The following RIC1 variants were observed in gnomAD, a reference collection of about 807,000 sequenced individuals.
RIC1 encodes the protein RIC1 partner of RAB6A GEF complex, also known as guanine nucleotide exchange factor subunit RIC1.
RIC1 carries 88 observed loss-of-function variants against 169.0 expected under a neutral mutation model. That is an observed-to-expected ratio of 0.52 (90% CI 0.44 to 0.62). The LOEUF is 0.62. RIC1 is among the 20% of genes least tolerant of loss of function. The probability of loss-of-function intolerance (pLI) is 0.00; values close to 1 mark genes in which losing one functional copy is unlikely to be tolerated. For missense variants in RIC1, 1,877 were observed against 1,725.5 expected (o/e 1.09, Z -1.56); for synonymous variants, 790 against 601.5 (o/e 1.31, Z -4.59).
intron 2 of RIC1, among the ~76,000 whole-genome samples, chr9:5,689,282 A>C (rs559624934): frequency 7.2e-4 from 109 of 151,648 alleles, no homozygotes; most frequent in Non-Finnish European, 1.4e-3. Context: ...TGATCTCCTG[A>C]CCTCGTGATC....
intron 2 of RIC1, among the ~76,000 whole-genome samples, chr9:5,684,478 T>A (rs1821087059): frequency 6.6e-6 from 1 of 152,134 alleles, no homozygotes. Flanking sequence ...AAGTATTTCA[T>A]CTCTTTTGCC....
At position 5,746,032 on chromosome 9, in the gene RIC1, C is replaced by T. The variant is rs747546016; in HGVS notation, c.1197C>T (p.Ser399=). 3.8e-5 allele frequency: 61 copies of T among 1,613,442 alleles called. No homozygotes were observed. The highest frequency in any genetic ancestry group is 4.6e-5 in the Non-Finnish European group (54 of 1,179,526). Residue 399 remains serine (S), a synonymous_variant, in exon 11 of 26, where the codon AGC becomes AGT. Coordinates refer to ENST00000414202, the MANE Select transcript of RIC1 (RefSeq NM_020829.4). ...TCAGGAGTGTAGTTAAACAGCCCAG[C>T]ATCCTGTTATTTCAGTTTATTAAGA... ...SDLRSVVKQP[S]ILLFQFIKSV...
chr9:5,729,113 C>G (rs929510624), intron 6 of RIC1, among the ~76,000 whole-genome samples: 1 of 152,110 alleles, frequency 6.6e-6, no homozygotes, highest in Admixed American at 6.6e-5. Context: ...CCCCAGTATT[C>G]TGGGATTTGA....
rs1563940535 is a variant in RIC1, at chr9:5,739,860, C to CG, written c.901+1322_901+1323insG. The stretch of plus-strand genomic sequence containing the variant: ...ATCCCCTTTCCAAGTTGCAGGGTCC[C>CG]ATTTTTTTCCAATCAGTGCCTTCAC... On this transcript the variant is annotated intron_variant, in intron 8 of 25. Transcript: ENST00000414202. Among the ~76,000 whole-genome samples the CG allele has an allele frequency of 7.5e-5, 10 of 132,972 alleles. No individual in the cohort carries two copies. The Admixed American group carries it at 7.7e-4, about 10-fold the overall frequency. 87.2% of individuals were successfully genotyped at this position (132,972 alleles called of 152,430 possible). A position where few individuals can be genotyped will look rare whatever the true frequency, so the allele number is the denominator to read the frequency against.
chr9:5,654,392 G>A (rs1457121704), intron 1 of RIC1, among the ~76,000 whole-genome samples: 1 of 152,030 alleles, frequency 6.6e-6, no homozygotes, highest in Non-Finnish European at 1.5e-5. Flanking sequence ...GATTACAGGT[G>A]ACTGCCACCA....
chr9:5,690,272 A>G (rs1263017138), intron 3 of RIC1, among the ~76,000 whole-genome samples: 1 of 152,138 alleles, frequency 6.6e-6, no homozygotes, highest in Non-Finnish European at 1.5e-5. Flanking sequence ...GGTATTCAGA[A>G]TGACTGTTAA....
At chr9:5,704,767 C>T (rs995697298) in intron 3 of RIC1, among the ~76,000 whole-genome samples, 12 of 151,750 alleles carry the variant, frequency 7.9e-5, no homozygotes, top group Non-Finnish European at 1.6e-4. Context: ...ACAATTTACG[C>T]CTATATTTTC....
At chr9:5,740,449 C>G (rs1563941038) in intron 8 of RIC1, among the ~76,000 whole-genome samples, 2 of 151,812 alleles carry the variant, frequency 1.3e-5, no homozygotes, top group African/African-American at 2.4e-5. Flanking sequence ...GGGGACAGAA[C>G]TAATAGAATA....
At chr9:5,677,729 TTAGAGCA>T (rs1045969052) in intron 2 of RIC1, among the ~76,000 whole-genome samples, 1 of 152,100 alleles carries the variant, frequency 6.6e-6, no homozygotes, top group African/African-American at 2.4e-5. Flanking sequence ...AGGAAAAGAA[TTAGAGCA>T]TAGATATAAG....
At chr9:5,650,074 G>A (rs1220146107) in intron 1 of RIC1, among the ~76,000 whole-genome samples, 1 of 152,168 alleles carries the variant, frequency 6.6e-6, no homozygotes, top group African/African-American at 2.4e-5. Flanking sequence ...AGTGGTGGCA[G>A]CAGCAGACTG....
At chr9:5,715,864 C>A (rs1269759484) in intron 4 of RIC1, among the ~76,000 whole-genome samples, 1 of 147,574 alleles carries the variant, frequency 6.8e-6, no homozygotes, top group Admixed American at 6.8e-5. Flanking sequence ...CACCTTGTCA[C>A]CCAGGCTGAA....
intron 6 of RIC1, among the ~76,000 whole-genome samples, chr9:5,722,226 G>T (rs1823641868): frequency 1.4e-5 from 2 of 140,288 alleles, no homozygotes; most frequent in African/African-American, 2.7e-5. Context: ...TTTTTCCACA[G>T]TACCACAAAA....
At chr9:5,637,856 A>G (rs947969302) in intron 1 of RIC1, among the ~76,000 whole-genome samples, 2 of 152,052 alleles carry the variant, frequency 1.3e-5, no homozygotes, top group East Asian at 3.9e-4. Flanking sequence ...TTATCCATCC[A>G]TCTGTTGATG....
rs576144839 is a variant in RIC1, at chr9:5,759,051, C to T, written c.1992+1600C>T. Among the ~76,000 whole-genome samples, 6 of 152,146 alleles carry T rather than the reference C, an allele frequency of 3.9e-5. No homozygotes were observed. The South Asian group carries it at 1.2e-3, about 32-fold the overall frequency. On this transcript the variant is annotated intron_variant, in intron 17 of 25. Coordinates refer to ENST00000414202, the MANE Select transcript of RIC1 (RefSeq NM_020829.4). ...AGCCATCGTGCTCGGCCTTGGTCTCCCTTCTATAGGTAAAATTGGTTTTCT... is the reference window on the plus strand; with the variant it reads ...AGCCATCGTGCTCGGCCTTGGTCTCTCTTCTATAGGTAAAATTGGTTTTCT...
At chr9:5,658,848 CT>C (rs1243359004) in intron 2 of RIC1, among the ~76,000 whole-genome samples, 2,576 of 141,628 alleles carry the variant, frequency 0.018, 77 homozygotes, top group African/African-American at 0.062. Context: ...CCGAGACTGA[CT>C]TTTTTTTTTT....
At chr9:5,638,347 A>T (rs1261018569) in intron 1 of RIC1, among the ~76,000 whole-genome samples, 1 of 152,126 alleles carries the variant, frequency 6.6e-6, no homozygotes, top group African/African-American at 2.4e-5. Context: ...TATGAGGGTA[A>T]TCCTGGCCTC....
intron 1 of RIC1, among the ~76,000 whole-genome samples, chr9:5,643,438 G>T (rs1465977503): frequency 6.6e-6 from 1 of 152,068 alleles, no homozygotes; most frequent in Non-Finnish European, 1.5e-5. Context: ...AGCCTAGGAG[G>T]TTGAGGCTGC....
intron 3 of RIC1, among the ~76,000 whole-genome samples, chr9:5,693,291 T>A (rs1821693947): frequency 6.6e-6 from 1 of 152,146 alleles, no homozygotes; most frequent in Non-Finnish European, 1.5e-5. Flanking sequence ...TTCCCTGTAT[T>A]ATGTGACAGC....
chr9:5,702,223 G>A (rs951082100), intron 3 of RIC1, among the ~76,000 whole-genome samples: 7 of 152,214 alleles, frequency 4.6e-5, no homozygotes, highest in African/African-American at 1.7e-4. Flanking sequence ...TATACTTTCA[G>A]TGTATTATTG....
Sources: allele counts gnomAD v4.1 joint callset (sites outside exome capture counted in the v4.1 genomes callset), GRCh38; gene constraint gnomAD v4.1.1; transcripts MANE v1.5; gene names NCBI Gene and HGNC (gene_info 2026-07-23, HGNC 2026-07-21).